DBN1: variants seen among roughly 807,000 people sequenced by gnomAD.
DBN1 encodes the protein drebrin 1, also known as drebrin.
DBN1 carries 21 observed loss-of-function variants against 83.5 expected under a neutral mutation model. The ratio of observed to expected loss-of-function variants is 0.25; its 90% confidence interval spans 0.18 to 0.36. DBN1 has a LOEUF of 0.36. DBN1 is among the 10% of genes least tolerant of loss of function. The pLI is 1.00. For synonymous variants in DBN1, 381 were observed against 384.9 expected, an observed-to-expected ratio of 0.99 and a Z score of 0.12; for missense variants, 874 against 935.7, an observed-to-expected ratio of 0.93 and a Z score of 0.86.
At chr5:177,461,308 C>T (rs1299140957) in intron 8 of DBN1, among the ~76,000 whole-genome samples, 1 of 150,976 alleles carries the variant, frequency 6.6e-6, no homozygotes, top group Admixed American at 6.6e-5. Context: ...CCGTTTTAGC[C>T]GGGATGGTCT....
rs1166015647 is a variant in DBN1, at chr5:177,458,647, G to A, written c.1325C>T (p.Ala442Val). 8 of 1,589,680 alleles carry A rather than the reference G, an allele frequency of 5.0e-6. No homozygotes were observed. The highest frequency in any genetic ancestry group is 6.8e-6 in the Non-Finnish European group (8 of 1,168,780). ...GGGCTCCTCCATGGGGCCGGCCCAG[G>A]CCTGAGGGGCTGCTGCTCTGGTCTC... ...SEETRAAAPQ[A>V]WAGPMEEPPQ... is the part of the protein sequence containing the mutation. Residue 442 changes from alanine (A) to valine (V), a missense_variant, in exon 13 of 15, where the codon GCC (alanine) becomes GTC (valine). By Grantham distance (64) the Ala-to-Val change is moderately conservative. Coordinates refer to ENST00000393565, the MANE Select transcript of DBN1 (RefSeq NM_001363541.2).
chr5:177,469,074 G>C (rs1171862865), intron 1 of DBN1, among the ~76,000 whole-genome samples, 175 bp from the exon 2 acceptor site: 1 of 152,064 alleles, frequency 6.6e-6, no homozygotes, highest in Non-Finnish European at 1.5e-5. Context: ...GCCCAGCAGG[G>C]TACTGCTGGA....
intron 1 of DBN1, chr5:177,472,961 T>A: frequency 4.1e-6 from 2 of 487,402 alleles, no homozygotes; most frequent in Non-Finnish European, 5.3e-6. Flanking sequence ...CTCGCTTTCC[T>A]TTGTGCTGTG....
Position 177,456,756 on chromosome 5 carries a change from G to GC in DBN1, c.*676dup, listed in dbSNP as rs1263516001. 6.6e-6 allele frequency: 1 copy of GC among 151,250 alleles called. No homozygotes were observed. Among genetic ancestry groups the GC allele is most frequent in the African/African-American group, 2.4e-5 (1 of 41,008 alleles). The allele number at this position is 151,250 out of a possible 1,614,324, so 9.4% of individuals were successfully genotyped here. A position where few individuals can be genotyped will look rare whatever the true frequency, so the allele number is the denominator to read the frequency against. ...GCAAAGAGGAAGGAGTTGGGGAGGG[G>GC]CCACCAAAGCCCCTGGGCCCCATCC... On this transcript the variant is annotated 3_prime_UTR_variant, in exon 15 of 15. Transcript: ENST00000393565.
rs757011316 is a variant in DBN1, at chr5:177,457,519, G to A, written c.2018-16C>T. On this transcript the variant is annotated splice_polypyrimidine_tract_variant and intron_variant, in intron 14 of 14. Transcript: ENST00000393565. Reference sequence around the variant, plus strand: ...ATGTCGATCTCTGTGGCGTTAGAAAGGGAGAGGAGTTAGGGACCTAGCAGA... The same window carrying A: ...ATGTCGATCTCTGTGGCGTTAGAAAAGGAGAGGAGTTAGGGACCTAGCAGA... The A allele has an allele frequency of 1.9e-6, 3 of 1,613,340 alleles. No individual in the cohort carries two copies. Among genetic ancestry groups the A allele is most frequent in the South Asian group, 2.2e-5 (2 of 91,080 alleles).
In DBN1 at chr5:177,466,559, G is replaced by C. The variant is rs186137073; in HGVS notation, c.771+213C>G. Among the ~76,000 whole-genome samples the C allele has an allele frequency of 1.8e-4, 28 of 152,342 alleles. No homozygotes were observed. Among genetic ancestry groups the C allele is most frequent in the Admixed American group, 9.1e-4 (14 of 15,312 alleles). On this transcript the variant is annotated intron_variant, in intron 8 of 14. Transcript: ENST00000393565. The surrounding 1 kb of genome is among the most constrained non-coding windows in gnomAD (Gnocchi z 4.8). The stretch of plus-strand genomic sequence containing the variant: ...GTTTCTCTTCCAATCTAGAGCACAA[G>C]CTTCTCCAAAGTAGTCTTTTTCCAC...
intron 1 of DBN1, among the ~76,000 whole-genome samples, chr5:177,471,438 G>A (rs1166349505): frequency 6.6e-6 from 1 of 152,066 alleles, no homozygotes; most frequent in Non-Finnish European, 1.5e-5. Flanking sequence ...TGCCACCTAG[G>A]AGTGAACTCC....
intron 12 of DBN1, 150 bp from the exon 13 acceptor site, chr5:177,458,857 C>T (rs772805177): frequency 5.2e-5 from 58 of 1,121,740 alleles, no homozygotes; most frequent in Non-Finnish European, 7.1e-5. Context: ...ACTTTAAGCC[C>T]CTTGGCAGCT....
At chr5:177,460,745 C>G (rs746475665) in intron 8 of DBN1, 42 bp from the exon 9 acceptor site, 4 of 1,602,084 alleles carry the variant, frequency 2.5e-6, no homozygotes, top group African/African-American at 1.3e-5. Flanking sequence ...CTACCCCCCA[C>G]AGGGGCTTTT....
In DBN1 at chr5:177,466,188, A is replaced by G. The variant is rs1757431180; in HGVS notation, c.771+584T>C. On this transcript the variant is annotated intron_variant, in intron 8 of 14. Transcript: ENST00000393565. This position sits in a 1 kb window ranked among gnomAD's most constrained non-coding sequence, Gnocchi z 4.8. Reference sequence around the variant, plus strand: ...CCCACCTCCCTTCCTGAACTGAGCCATGCTCAGTCCTGAATGACATTAGCT... The same window carrying G: ...CCCACCTCCCTTCCTGAACTGAGCCGTGCTCAGTCCTGAATGACATTAGCT... Among the ~76,000 whole-genome samples the G allele has an allele frequency of 6.6e-6, 1 of 152,216 alleles. No homozygotes were observed. Among genetic ancestry groups the G allele is most frequent in the African/African-American group, 2.4e-5 (1 of 41,458 alleles).
At chr5:177,469,408 C>T (rs1199815977) in intron 1 of DBN1, among the ~76,000 whole-genome samples, 1 of 152,152 alleles carries the variant, frequency 6.6e-6, no homozygotes, top group Non-Finnish European at 1.5e-5. Context: ...GCAATTGGCA[C>T]ACGACTGGCC....
rs966794861 is a variant in DBN1 at position 177,466,219 on chromosome 5, C to T, written c.771+553G>A. Among the ~76,000 whole-genome samples the T allele has an allele frequency of 1.3e-5, 2 of 152,184 alleles. No individual in the cohort carries two copies. The highest frequency in any genetic ancestry group is 4.8e-5 in the African/African-American group (2 of 41,430). On this transcript the variant is annotated intron_variant, in intron 8 of 14. Coordinates refer to ENST00000393565, the MANE Select transcript of DBN1 (RefSeq NM_001363541.2). The surrounding 1 kb of genome is among the most constrained non-coding windows in gnomAD (Gnocchi z 4.8). ...AGTCCTGAATGACATTAGCTATTTC[C>T]AAAATACTAAATTCAAAGCATGGAG...
Position 177,473,560 on chromosome 5 carries a change from A to T in DBN1, c.-39T>A. On this transcript the variant is annotated 5_prime_UTR_variant, in exon 1 of 15. Coordinates refer to ENST00000393565, the MANE Select transcript of DBN1 (RefSeq NM_001363541.2). ...CCGGGCCGAACGGACAGACGCGCGGACGGACGGGCGGACGGAGGAGGAGGG... is the reference window on the plus strand; with the variant it reads ...CCGGGCCGAACGGACAGACGCGCGGTCGGACGGGCGGACGGAGGAGGAGGG... 1 of 1,193,320 alleles carries T rather than the reference A, an allele frequency of 8.4e-7. No individual in the cohort carries two copies. Among genetic ancestry groups the T allele is most frequent in the Non-Finnish European group, 1.1e-6 (1 of 941,062 alleles). The allele number at this position is 1,193,320 out of a possible 1,614,324, so 73.9% of individuals were successfully genotyped here.
rs970004667 is a variant in DBN1, at chr5:177,457,369, G to A, written c.*64C>T. ...GCTGCGAATGCAGGCACGGCGGGCC[G>A]TCTGGCCAGAGGCTGATGCAGGTGG... On this transcript the variant is annotated 3_prime_UTR_variant, in exon 15 of 15. Coordinates refer to ENST00000393565, the MANE Select transcript of DBN1 (RefSeq NM_001363541.2). 13 of 1,426,662 alleles carry A rather than the reference G, an allele frequency of 9.1e-6. 1 individual carries two copies. Among genetic ancestry groups the A allele is most frequent in the East Asian group, 6.8e-5 (3 of 43,966 alleles). The allele number at this position is 1,426,662 out of a possible 1,614,324, so 88.4% of individuals were successfully genotyped here. A position where few individuals can be genotyped will look rare whatever the true frequency, so the allele number is the denominator to read the frequency against.
chr5:177,458,790 G>C, intron 12 of DBN1, 83 bp from the exon 13 acceptor site: 4 of 1,314,958 alleles, frequency 3.0e-6, no homozygotes, highest in Non-Finnish European at 4.0e-6. Context: ...AAGGAGTGAG[G>C]GAGCCAGGGA....
At position 177,457,135 on chromosome 5, in the gene DBN1, G is replaced by A; in HGVS notation, c.*298C>T. 1 of 460,570 alleles carries A rather than the reference G, an allele frequency of 2.2e-6. No individual in the cohort carries two copies. Among genetic ancestry groups the A allele is most frequent in the Non-Finnish European group, 3.9e-6 (1 of 254,490 alleles). 28.5% of individuals were successfully genotyped at this position (460,570 alleles called of 1,614,324 possible). ...CCAACCCGGCCAGCTGAGCAGGGAG[G>A]ACTAAGAGCTACAATCTGGACCAGG... is the stretch of plus-strand genomic sequence containing the variant. On this transcript the variant is annotated 3_prime_UTR_variant, in exon 15 of 15. Transcript: ENST00000393565.
intron 8 of DBN1, among the ~76,000 whole-genome samples, chr5:177,464,422 G>A (rs904404952): frequency 6.6e-6 from 1 of 151,130 alleles, no homozygotes; most frequent in Admixed American, 6.6e-5. Flanking sequence ...CTCCAGCCTG[G>A]GCGACAGAGC....
chr5:177,467,989 C>T lies in DBN1; in HGVS notation c.255+119G>A, dbSNP rs545054767. 9 of 1,067,184 alleles carry T rather than the reference C, an allele frequency of 8.4e-6. No individual in the cohort carries two copies. The highest frequency in any genetic ancestry group is 2.7e-5 in the South Asian group (2 of 73,784). 66.1% of individuals were successfully genotyped at this position (1,067,184 alleles called of 1,614,324 possible). A position where few individuals can be genotyped will look rare whatever the true frequency, so the allele number is the denominator to read the frequency against. On this transcript the variant is annotated intron_variant, in intron 3 of 14. Coordinates refer to ENST00000393565, the MANE Select transcript of DBN1 (RefSeq NM_001363541.2). The surrounding 1 kb of genome is among the most constrained non-coding windows in gnomAD (Gnocchi z 9.1). Reference sequence around the variant, plus strand: ...TTCAGTTCCCTTCCCCAGCCCCGGCCGCATACCCAGTTGATGAGCAGCTCT... The same window carrying T: ...TTCAGTTCCCTTCCCCAGCCCCGGCTGCATACCCAGTTGATGAGCAGCTCT...
Position 177,467,746 on chromosome 5 carries a change from G to C in DBN1, c.327C>G (p.Phe109Leu). ...ASHVAKVAEF[F>L]QGVDVIVNAS... is the part of the protein sequence containing the mutation. ...AGCGCTGGCCCCTGACACGCACCTG[G>C]AAGAACTCCGCCACCTTAGCCACGT... The change falls in exon 4 of 15, where the codon TTC (phenylalanine) becomes TTG (leucine). Residue 109 changes from phenylalanine to leucine, a missense_variant. Phe to Leu is a conservative substitution (Grantham distance 22). Coordinates refer to ENST00000393565, the MANE Select transcript of DBN1 (RefSeq NM_001363541.2). The surrounding 1 kb of genome is among the most constrained non-coding windows in gnomAD (Gnocchi z 9.1). The C allele has an allele frequency of 6.4e-7, 1 of 1,553,698 alleles. No homozygotes were observed. Among genetic ancestry groups the C allele is most frequent in the Non-Finnish European group, 8.7e-7 (1 of 1,148,486 alleles).
Sources: gnomAD v4.1 joint callset for allele counts (sites outside exome capture counted in the v4.1 genomes callset) on GRCh38, gnomAD v4.1.1 for gene constraint, Gnocchi (gnomAD v3.1) non-coding constraint, MANE v1.5 for transcripts, NCBI Gene and HGNC (gene_info 2026-07-23, HGNC 2026-07-21) for gene names.